SELENOO: variants seen among roughly 807,000 people sequenced by gnomAD.
The protein encoded by SELENOO is selenoprotein O, also known as protein adenylyltransferase SelO, mitochondrial.
In SELENOO, 74 loss-of-function variants were observed where a neutral mutation model predicts 58.7. That is an observed-to-expected ratio of 1.26 (90% CI 1.04 to 1.53). The LOEUF (loss-of-function observed/expected upper bound fraction) is 1.53, where lower values mean the gene tolerates loss of function less well. Ranked by LOEUF, SELENOO falls within the 40% of genes most tolerant of loss-of-function variation. The probability of loss-of-function intolerance (pLI) is 0.00; values close to 1 mark genes in which losing one functional copy is unlikely to be tolerated. For missense variants in SELENOO, 1,149 were observed against 970.0 expected (o/e 1.18, Z -2.45); for synonymous variants, 543 against 453.2 (o/e 1.20, Z -2.52).
At chr22:50,211,042 T>C in intron 5 of SELENOO, 131 bp downstream of exon 5, 1 of 897,080 alleles carries the variant, frequency 1.1e-6, no homozygotes, top group Non-Finnish European at 1.7e-6. Flanking sequence ...GGCACCCCCA[T>C]TCTACTCTCT....
Position 50,217,606 on chromosome 22 carries a change from A to G in SELENOO, c.*237A>G. On this transcript the variant is annotated 3_prime_UTR_variant, in exon 9 of 9. Coordinates refer to ENST00000380903, the MANE Select transcript of SELENOO (RefSeq NM_031454.2). ...GACCCAGGCTCCTAAATAAACCAGC[A>G]ACTCCCTCGAGTCTGTCTCTGTGGT... The G allele has an allele frequency of 9.8e-7, 1 of 1,024,350 alleles. No homozygotes were observed. The highest frequency in any genetic ancestry group is 1.4e-6 in the Non-Finnish European group (1 of 711,242). The allele number at this position is 1,024,350 out of a possible 1,614,324, so 63.5% of individuals were successfully genotyped here. A position where few individuals can be genotyped will look rare whatever the true frequency, so the allele number is the denominator to read the frequency against.
intron 5 of SELENOO, among the ~76,000 whole-genome samples, chr22:50,215,071 T>C (rs898909365): frequency 2.6e-5 from 4 of 152,222 alleles, no homozygotes; most frequent in African/African-American, 9.6e-5. Flanking sequence ...TACGTTGCTT[T>C]GACTCCCTTC....
rs1475334136 is a variant in SELENOO, at chr22:50,217,454, T to C, written c.*85T>C. Reference sequence around the variant, plus strand: ...GCCAAGATGATGCCAGGCTGCCCTATACACTGGGGGATTCTGCCCTGGCCC... The same window carrying C: ...GCCAAGATGATGCCAGGCTGCCCTACACACTGGGGGATTCTGCCCTGGCCC... On this transcript the variant is annotated 3_prime_UTR_variant, in exon 9 of 9. Transcript: ENST00000380903. 8.0e-6 allele frequency: 12 copies of C among 1,492,006 alleles called. No homozygotes were observed. Among genetic ancestry groups the C allele is most frequent in the Non-Finnish European group, 1.1e-5 (12 of 1,100,604 alleles). The allele number at this position is 1,492,006 out of a possible 1,614,324, so 92.4% of individuals were successfully genotyped here. A position where few individuals can be genotyped will look rare whatever the true frequency, so the allele number is the denominator to read the frequency against.
chr22:50,202,872 G>T (rs1043996709), intron 1 of SELENOO, among the ~76,000 whole-genome samples: 9 of 152,186 alleles, frequency 5.9e-5, no homozygotes, highest in Admixed American at 5.2e-4. Context: ...GCTAACGTCT[G>T]AAGTGGCTGT....
chr22:50,201,345 G>T lies in SELENOO; in HGVS notation c.309G>T (p.Leu103=). 2 of 1,176,048 alleles carry T rather than the reference G, an allele frequency of 1.7e-6. No individual in the cohort carries two copies. Among genetic ancestry groups the T allele is most frequent in the Middle Eastern group, 3.4e-4 (1 of 2,906 alleles). 72.9% of individuals were successfully genotyped at this position (1,176,048 alleles called of 1,614,324 possible). The part of the protein sequence containing the change: ...PRLVALSEPA[L]ALLGLGAPPA... Reference sequence around the variant, plus strand: ...TCGTGGCGCTGTCAGAGCCCGCGCTGGCGTTGCTGGGCCTGGGCGCGCCGC... The same window carrying T: ...TCGTGGCGCTGTCAGAGCCCGCGCTTGCGTTGCTGGGCCTGGGCGCGCCGC... The change falls in exon 1 of 9, where the codon CTG becomes CTT. Residue 103 remains leucine (L), a synonymous_variant. Transcript: ENST00000380903.
At chr22:50,215,616 A>G (rs1483915195) in intron 5 of SELENOO, 101 bp from the exon 6 acceptor site, 4 of 977,100 alleles carry the variant, frequency 4.1e-6, no homozygotes, top group Admixed American at 5.5e-5. Flanking sequence ...GGGTCCATGC[A>G]GCACCTGTGC....
At position 50,201,049 on chromosome 22, in the gene SELENOO, A is replaced by AGGGCAGCGCTCG; in HGVS notation, c.18_29dup (p.Ala7_Ala10dup). The AGGGCAGCGCTCG allele has an allele frequency of 1.5e-6, 2 of 1,322,084 alleles. No individual in the cohort carries two copies. The highest frequency in any genetic ancestry group is 1.9e-6 in the Non-Finnish European group (2 of 1,037,686). 81.9% of individuals were successfully genotyped at this position (1,322,084 alleles called of 1,614,324 possible). The stretch of plus-strand genomic sequence containing the variant: ...AGCGGGGCCGCGGATGGCCGTATAC[A>AGGGCAGCGCTCG]GGGCAGCGCTCGGGGCTTCGCTCGC... On this transcript the variant is annotated inframe_insertion, in exon 1 of 9. Transcript: ENST00000380903.
At chr22:50,215,945 G>A (rs1025161322) in intron 6 of SELENOO, 78 bp downstream of exon 6, 8 of 1,349,844 alleles carry the variant, frequency 5.9e-6, no homozygotes, top group Non-Finnish European at 8.2e-6. Context: ...TGGGGGAGAA[G>A]CTAGAGACAG....
At chr22:50,211,649 C>G (rs978299596) in intron 5 of SELENOO, among the ~76,000 whole-genome samples, 1 of 152,188 alleles carries the variant, frequency 6.6e-6, no homozygotes. Context: ...ATTCATATCT[C>G]CTTGCATTCT....
At chr22:50,206,079 T>C in intron 1 of SELENOO, 1 of 583,000 alleles carries the variant, frequency 1.7e-6, no homozygotes, top group African/African-American at 1.9e-5. Context: ...CTGCTGCGTG[T>C]GTTCAGGCCC....
chr22:50,204,994 GAC>G (rs1473324241), intron 1 of SELENOO, among the ~76,000 whole-genome samples: 3 of 152,260 alleles, frequency 2.0e-5, no homozygotes, highest in African/African-American at 7.2e-5. Context: ...GTCACAGAGA[GAC>G]AAATCCTGGG....
chr22:50,213,989 C>T (rs1178709350), intron 5 of SELENOO, among the ~76,000 whole-genome samples: 4 of 152,330 alleles, frequency 2.6e-5, no homozygotes, highest in African/African-American at 9.6e-5. Context: ...TTTAAGTCTC[C>T]AACTCTTACT....
intron 3 of SELENOO, 171 bp downstream of exon 3, chr22:50,208,887 G>GAC: frequency 1.6e-6 from 1 of 626,544 alleles, no homozygotes; most frequent in Non-Finnish European, 2.7e-6. Context: ...CGGGCCCTGG[G>GAC]ACAAACCTGA....
intron 3 of SELENOO, among the ~76,000 whole-genome samples, chr22:50,209,795 G>C (rs1473465163): frequency 2.6e-5 from 4 of 152,164 alleles, no homozygotes; most frequent in African/African-American, 9.6e-5. Context: ...GTCTGGTTGG[G>C]GGGGGCCAGG....
At chr22:50,202,420 C>T (rs1012076409) in intron 1 of SELENOO, among the ~76,000 whole-genome samples, 2 of 152,070 alleles carry the variant, frequency 1.3e-5, no homozygotes, top group African/African-American at 4.8e-5. Context: ...TGTTCTGTGT[C>T]TGAGGGCAAC....
In SELENOO at chr22:50,208,596, C is replaced by G; in HGVS notation, c.819C>G (p.Ser273Arg). The change falls in exon 3 of 9, where the codon AGC (serine) becomes AGG (arginine). Residue 273 changes from serine (S) to arginine (R), a missense_variant. Coordinates refer to ENST00000380903, the MANE Select transcript of SELENOO (RefSeq NM_031454.2). ...AGCACACAGGGCGTGCAGGCCCCAGCGTGGGGAGGAACGACATTCGAGTGC... is the reference window on the plus strand; with the variant it reads ...AGCACACAGGGCGTGCAGGCCCCAGGGTGGGGAGGAACGACATTCGAGTGC... ...ADEHTGRAGP[S>R]VGRNDIRVQL... The G allele has an allele frequency of 2.5e-6, 4 of 1,613,924 alleles. No homozygotes were observed. The highest frequency in any genetic ancestry group is 3.4e-6 in the Non-Finnish European group (4 of 1,179,976).
chr22:50,206,931 T>C (rs1229221615), intron 2 of SELENOO, among the ~76,000 whole-genome samples: 1 of 152,106 alleles, frequency 6.6e-6, no homozygotes, highest in Non-Finnish European at 1.5e-5. Context: ...CTGGGGACAG[T>C]GTCCAGAGCT....
At chr22:50,201,651 C>T in intron 1 of SELENOO, 61 bp downstream of exon 1, 1 of 1,167,856 alleles carries the variant, frequency 8.6e-7, no homozygotes, top group Non-Finnish European at 1.1e-6. Flanking sequence ...CCCTTCCCTC[C>T]GCCCGGCGCG....
In SELENOO at chr22:50,210,802, C is replaced by G; in HGVS notation, c.1242C>G (p.Phe414Leu). 4 of 1,613,992 alleles carry G rather than the reference C, an allele frequency of 2.5e-6. No individual in the cohort carries two copies. Among genetic ancestry groups the G allele is most frequent in the Non-Finnish European group, 3.4e-6 (4 of 1,180,028 alleles). Residue 414 changes from phenylalanine (F) to leucine (L), a missense_variant, in exon 5 of 9, where the codon TTC becomes TTG. By Grantham distance (22) the Phe-to-Leu change is conservative. Transcript: ENST00000380903. The part of the protein sequence containing the change: ...AILAEEFDAE[F>L]QRHYLQKMRR... ...TGGCCGAGGAGTTTGACGCCGAGTTCCAAAGGCACTACCTGCAGAAGATGC... is the reference window on the plus strand; with the variant it reads ...TGGCCGAGGAGTTTGACGCCGAGTTGCAAAGGCACTACCTGCAGAAGATGC...
Sources: allele counts gnomAD v4.1 joint callset (sites outside exome capture counted in the v4.1 genomes callset), GRCh38; gene constraint gnomAD v4.1.1; transcripts MANE v1.5; gene names NCBI Gene and HGNC (gene_info 2026-07-23, HGNC 2026-07-21).